Variants in DTWD1 observed in about 807,000 individuals in gnomAD.
The protein encoded by DTWD1 is DTW motif tRNA-uridine aminocarboxypropyltransferase 1.
Under a neutral mutation model 30.2 loss-of-function variants are expected in DTWD1, and 27 were observed. The observed-to-expected ratio is 0.90, with a 90% confidence interval of 0.66 to 1.23. The LOEUF is 1.23. Among genes scored for constraint, DTWD1 ranks in the 50% most tolerant of loss-of-function variants. DTWD1 has a pLI of 0.00. For synonymous variants in DTWD1, 99 were observed against 113.1 expected (o/e 0.88, Z 0.79); for missense variants, 342 against 348.8 (o/e 0.98, Z 0.15).
In DTWD1 at chr15:49,633,057, A is replaced by C. The variant is rs565128522; in HGVS notation, c.408+755A>C. ...CCTATTTATATCTATATCTATATATATATATATATATATGTATTTTTTTGG... is the reference window on the plus strand; with the variant it reads ...CCTATTTATATCTATATCTATATATCTATATATATATATGTATTTTTTTGG... On this transcript the variant is annotated intron_variant, in intron 3 of 4. Coordinates refer to ENST00000403028, the MANE Select transcript of DTWD1 (RefSeq NM_001144955.2). 1.2e-4 allele frequency among the ~76,000 whole-genome samples: 18 copies of C among 146,046 alleles called. 1 individual carries two copies. The highest frequency in any genetic ancestry group is 3.2e-4 in the African/African-American group (13 of 40,684).
chr15:49,652,136 C>T lies in DTWD1; in HGVS notation c.*8558C>T, dbSNP rs1030591588. ...CCCTCCGTGCCATCACTTTTAATGA[C>T]CCATATGGTACTTTGCACCTCTTCA... On this transcript the variant is annotated 3_prime_UTR_variant, in exon 5 of 5. Transcript: ENST00000403028. 2.6e-5 allele frequency: 4 copies of T among 152,056 alleles called. No homozygotes were observed. Among genetic ancestry groups the T allele is most frequent in the Admixed American group, 6.6e-5 (1 of 15,256 alleles). The allele number at this position is 152,056 out of a possible 1,614,324, so 9.4% of individuals were successfully genotyped here.
chr15:49,628,027 T>C (rs909154098), intron 2 of DTWD1, among the ~76,000 whole-genome samples: 7 of 149,848 alleles, frequency 4.7e-5, no homozygotes, highest in South Asian at 2.1e-4. Context: ...AACAAAAATA[T>C]TTCTTTATGC....
Position 49,645,871 on chromosome 15 carries a change from G to T in DTWD1, c.*2293G>T, listed in dbSNP as rs539847949. 3.9e-5 allele frequency: 6 copies of T among 152,018 alleles called. No individual in the cohort carries two copies. The highest frequency in any genetic ancestry group is 1.4e-4 in the African/African-American group (6 of 41,480). 9.4% of individuals were successfully genotyped at this position (152,018 alleles called of 1,614,324 possible). A position where few individuals can be genotyped will look rare whatever the true frequency, so the allele number is the denominator to read the frequency against. On this transcript the variant is annotated 3_prime_UTR_variant, in exon 5 of 5. Transcript: ENST00000403028. ...GACTATACTTGTCTTAGTTTTTTTTGTTTGTTTTTTGTTTTTTGTTTTTTT... is the reference window on the plus strand; with the variant it reads ...GACTATACTTGTCTTAGTTTTTTTTTTTTGTTTTTTGTTTTTTGTTTTTTT...
rs969175646 is a variant in DTWD1 at position 49,645,830 on chromosome 15, A to G, written c.*2252A>G. The G allele has an allele frequency of 3.3e-5, 5 of 152,162 alleles. No individual in the cohort carries two copies. Among genetic ancestry groups the G allele is most frequent in the African/African-American group, 4.8e-5 (2 of 41,446 alleles). The allele number at this position is 152,162 out of a possible 1,614,324, so 9.4% of individuals were successfully genotyped here. On this transcript the variant is annotated 3_prime_UTR_variant, in exon 5 of 5. Transcript: ENST00000403028. ...TTTTCAAAAGAAGTTAGTAATACCT[A>G]TTAGAACAATGAATTGACTATACTT...
rs150436516 is a variant in DTWD1 at position 49,642,757 on chromosome 15, AAAAAAT to A, written c.668-562_668-557del. Among the ~76,000 whole-genome samples, 43 of 152,132 alleles carry A rather than the reference AAAAAAT, an allele frequency of 2.8e-4. No homozygotes were observed. The East Asian group carries it at 7.7e-3, about 27-fold the overall frequency. On this transcript the variant is annotated intron_variant, in intron 4 of 4. Transcript: ENST00000403028. ...AACATAGCAAGACACTGTCTCTAAA[AAAAAAT>A]AAAAATAAAAAATCTTAGCTGGATA...
At chr15:49,624,725 A>G (rs1295866336) in intron 1 of DTWD1, among the ~76,000 whole-genome samples, 1 of 152,176 alleles carries the variant, frequency 6.6e-6, no homozygotes, top group Non-Finnish European at 1.5e-5. Flanking sequence ...AACATAACCA[A>G]CTAAATTTTG....
chr15:49,621,795 C>G (rs2078726137), intron 1 of DTWD1, among the ~76,000 whole-genome samples: 1 of 151,966 alleles, frequency 6.6e-6, no homozygotes, highest in African/African-American at 2.4e-5. Flanking sequence ...GGCCATTGAT[C>G]CTATATGAAA....
At position 49,647,364 on chromosome 15, in the gene DTWD1, A is replaced by G. The variant is rs952280676; in HGVS notation, c.*3786A>G. The stretch of plus-strand genomic sequence containing the variant: ...TTGATGAGAAACAATTTTATTTTCT[A>G]GTTCTGCATATCCTAGGTTATGTAT... On this transcript the variant is annotated 3_prime_UTR_variant, in exon 5 of 5. Coordinates refer to ENST00000403028, the MANE Select transcript of DTWD1 (RefSeq NM_001144955.2). 1 of 152,124 alleles carries G rather than the reference A, an allele frequency of 6.6e-6. No individual in the cohort carries two copies. The highest frequency in any genetic ancestry group is 1.5e-5 in the Non-Finnish European group (1 of 68,004). 9.4% of individuals were successfully genotyped at this position (152,124 alleles called of 1,614,324 possible). A position where few individuals can be genotyped will look rare whatever the true frequency, so the allele number is the denominator to read the frequency against.
intron 2 of DTWD1, among the ~76,000 whole-genome samples, chr15:49,625,674 T>A (rs958981270): frequency 6.6e-6 from 1 of 152,196 alleles, no homozygotes; most frequent in African/African-American, 2.4e-5. Context: ...AAGGGATTTT[T>A]AACCCTAATG....
Position 49,625,099 on chromosome 15 carries a change from C to A in DTWD1, c.-55-14C>A. On this transcript the variant is annotated splice_polypyrimidine_tract_variant and intron_variant, in intron 1 of 4. Transcript: ENST00000403028. Reference sequence around the variant, plus strand: ...GTTTTTATTTTTCCTTCTCTTGATACTTTTTTTTTACAGTGCACCTATGAT... The same window carrying A: ...GTTTTTATTTTTCCTTCTCTTGATAATTTTTTTTTACAGTGCACCTATGAT... The A allele has an allele frequency of 7.2e-7, 1 of 1,392,338 alleles. No homozygotes were observed. Among genetic ancestry groups the A allele is most frequent in the Non-Finnish European group, 9.8e-7 (1 of 1,021,314 alleles). The allele number at this position is 1,392,338 out of a possible 1,614,324, so 86.2% of individuals were successfully genotyped here.
chr15:49,648,427 G>C lies in DTWD1; in HGVS notation c.*4849G>C, dbSNP rs531964658. The C allele has an allele frequency of 1.3e-5, 2 of 152,158 alleles. No homozygotes were observed. The highest frequency in any genetic ancestry group is 2.9e-5 in the Non-Finnish European group (2 of 68,064). The allele number at this position is 152,158 out of a possible 1,614,324, so 9.4% of individuals were successfully genotyped here. A position where few individuals can be genotyped will look rare whatever the true frequency, so the allele number is the denominator to read the frequency against. The stretch of plus-strand genomic sequence containing the variant: ...AGCAATTATCATGCCTTAGCCCCCC[G>C]AGTAGCTGGGATCACAGGCATGTGC... On this transcript the variant is annotated 3_prime_UTR_variant, in exon 5 of 5. Transcript: ENST00000403028.
chr15:49,625,845 T>TC (rs2078836463), intron 2 of DTWD1, among the ~76,000 whole-genome samples: 1 of 152,170 alleles, frequency 6.6e-6, no homozygotes, highest in Non-Finnish European at 1.5e-5. Context: ...ATAAGGCATG[T>TC]CTGGACATGT....
intron 4 of DTWD1, 70 bp from the exon 5 acceptor site, chr15:49,643,260 AG>A: frequency 6.3e-6 from 9 of 1,421,236 alleles, no homozygotes; most frequent in Non-Finnish European, 8.3e-6. Context: ...TATTGTACCA[AG>A]CCTGTGGTTA....
At chr15:49,631,095 T>A (rs2078914686) in intron 2 of DTWD1, 1 of 282,238 alleles carries the variant, frequency 3.5e-6, no homozygotes, top group African/African-American at 2.2e-5. Context: ...TATTATAATG[T>A]AATAATAATA....
chr15:49,627,812 T>A (rs1273331815), intron 2 of DTWD1, among the ~76,000 whole-genome samples: 1 of 152,190 alleles, frequency 6.6e-6, no homozygotes, highest in Non-Finnish European at 1.5e-5. Flanking sequence ...GAGTCAGTGG[T>A]GACTTGTGAG....
chr15:49,627,328 A>G (rs899349414), intron 2 of DTWD1, among the ~76,000 whole-genome samples: 4 of 152,110 alleles, frequency 2.6e-5, no homozygotes, highest in East Asian at 1.9e-4. Context: ...GTCCTTTCCA[A>G]TTTTTACTTT....
chr15:49,646,613 GA>G lies in DTWD1; in HGVS notation c.*3040del. The G allele has an allele frequency of 6.6e-6, 1 of 152,398 alleles. No homozygotes were observed. The highest frequency in any genetic ancestry group is 2.4e-5 in the African/African-American group (1 of 41,570). The allele number at this position is 152,398 out of a possible 1,614,324, so 9.4% of individuals were successfully genotyped here. On this transcript the variant is annotated 3_prime_UTR_variant, in exon 5 of 5. Coordinates refer to ENST00000403028, the MANE Select transcript of DTWD1 (RefSeq NM_001144955.2). ...CTGAAAAACTTGGATCAATGGACTA[GA>G]AAAAGCTGCTGGGTAAATTGCTCTT...
In DTWD1 at chr15:49,652,030, C is replaced by T. The variant is rs2079155297; in HGVS notation, c.*8452C>T. On this transcript the variant is annotated 3_prime_UTR_variant, in exon 5 of 5. Transcript: ENST00000403028. ...TCAATTATCCTTATATAGCATGTGCCCCAATATGAAGAATAAATGGGTCTT... is the reference window on the plus strand; with the variant it reads ...TCAATTATCCTTATATAGCATGTGCTCCAATATGAAGAATAAATGGGTCTT... 6.6e-6 allele frequency: 1 copy of T among 151,900 alleles called. No homozygotes were observed. Among genetic ancestry groups the T allele is most frequent in the Non-Finnish European group, 1.5e-5 (1 of 67,986 alleles). The allele number at this position is 151,900 out of a possible 1,614,324, so 9.4% of individuals were successfully genotyped here. A position where few individuals can be genotyped will look rare whatever the true frequency, so the allele number is the denominator to read the frequency against.
chr15:49,629,034 T>A (rs1350700700), intron 2 of DTWD1, among the ~76,000 whole-genome samples: 1 of 152,154 alleles, frequency 6.6e-6, no homozygotes, highest in African/African-American at 2.4e-5. Context: ...CCCCTCCCTG[T>A]GTCCATGTGT....
Sources: allele counts gnomAD v4.1 joint callset (sites outside exome capture counted in the v4.1 genomes callset), GRCh38; gene constraint gnomAD v4.1.1; transcripts MANE v1.5; gene names NCBI Gene and HGNC (gene_info 2026-07-23, HGNC 2026-07-21).